The following WDFY3 variants were observed in gnomAD, a reference collection of about 807,000 sequenced individuals.
WDFY3 encodes the protein WD repeat and FYVE domain containing 3, also known as WD repeat and FYVE domain-containing protein 3.
Under a neutral mutation model 409.6 loss-of-function variants are expected in WDFY3, and 66 were observed. The ratio of observed to expected loss-of-function variants is 0.16; its 90% CI spans 0.13 to 0.20. The LOEUF is 0.20. Ranked by LOEUF, WDFY3 falls within the 10% of genes least tolerant of loss-of-function variation. WDFY3 has a pLI of 1.00. For synonymous variants in WDFY3, 1,521 were observed against 1,537.1 expected, an observed-to-expected ratio of 0.99 and a Z score of 0.25; for missense variants, 3,031 against 4,298.1, an observed-to-expected ratio of 0.71 and a Z score of 8.24.
chr4:84,809,017 G>T (rs1400401453), intron 14 of WDFY3: 2 of 152,208 alleles, frequency 1.3e-5, no homozygotes, highest in African/African-American at 4.8e-5. Flanking sequence ...ATCCAATGTA[G>T]TTACATGGTC....
intron 5 of WDFY3, among the ~76,000 whole-genome samples, chr4:84,842,222 A>G (rs2150038721): frequency 6.6e-6 from 1 of 152,282 alleles, no homozygotes; most frequent in South Asian, 2.1e-4. Flanking sequence ...CACACCTGTA[A>G]TCCCAGCACT....
intron 64 of WDFY3, among the ~76,000 whole-genome samples, chr4:84,679,538 G>C (rs1271407004): frequency 6.6e-6 from 1 of 152,090 alleles, no homozygotes; most frequent in Admixed American, 6.5e-5. Context: ...ACTCCCTGCT[G>C]TGCTGCAGCT....
chr4:84,772,703 C>T (rs919724903), intron 30 of WDFY3, 132 bp downstream of exon 30: 22 of 727,042 alleles, frequency 3.0e-5, no homozygotes, highest in Middle Eastern at 3.5e-4. Context: ...GGGCCAAAAA[C>T]GTAATGTAAG....
chr4:84,705,881 T>A (rs1013130486), intron 53 of WDFY3, among the ~76,000 whole-genome samples: 2 of 152,168 alleles, frequency 1.3e-5, no homozygotes, highest in African/African-American at 2.4e-5. Flanking sequence ...ATCGTTAACT[T>A]CATCACTCAC....
intron 41 of WDFY3, among the ~76,000 whole-genome samples, 170 bp downstream of exon 41, chr4:84,737,013 AT>A (rs1384163905): frequency 6.6e-6 from 1 of 151,636 alleles, no homozygotes; most frequent in African/African-American, 2.4e-5. Flanking sequence ...AAAAAAAAAA[AT>A]CAAAGAGAAC....
intron 15 of WDFY3, among the ~76,000 whole-genome samples, chr4:84,805,053 T>C (rs1469832534): frequency 6.6e-6 from 1 of 152,200 alleles, no homozygotes; most frequent in Non-Finnish European, 1.5e-5. Flanking sequence ...TCTGACCTTA[T>C]ATGATGGATC....
In WDFY3 at chr4:84,774,859, A is replaced by C. The variant is rs1010357570; in HGVS notation, c.4715T>G (p.Phe1572Cys). ...TIAAISNVLS[F>C]LLQGFPSSND... ...GCTGCTAGGAAAACCTTGCAGTAAG[A>C]AGCTCAGGACATTACTAATAGCAGC... The change falls in exon 29 of 68, where the codon TTC (phenylalanine) becomes TGC (cysteine). Residue 1572 changes from phenylalanine to cysteine, a missense_variant. Around this residue, in one of 16 missense-constraint regions of WDFY3, gnomAD observed 342 missense variants for 463.7 expected, o/e 0.74. Coordinates refer to ENST00000295888, the MANE Select transcript of WDFY3 (RefSeq NM_014991.6). 4 of 1,613,422 alleles carry C rather than the reference A, an allele frequency of 2.5e-6. No individual in the cohort carries two copies. Among genetic ancestry groups the C allele is most frequent in the African/African-American group, 1.3e-5 (1 of 75,008 alleles).
intron 64 of WDFY3, among the ~76,000 whole-genome samples, chr4:84,679,841 T>TATATATATACACAC (rs1235574031): frequency 2.8e-4 from 39 of 141,306 alleles, no homozygotes; most frequent in African/African-American, 1.0e-3. Context: ...TATATATATA[T>TATATATATACACAC]ACACACACAC....
rs555819588 is a variant in WDFY3, at chr4:84,890,102, CTTTTT to C, written c.-32+6804_-32+6808del. Among the ~76,000 whole-genome samples, 16 of 151,756 alleles carry C rather than the reference CTTTTT, an allele frequency of 1.1e-4. No homozygotes were observed. In the South Asian group the frequency reaches 3.3e-3, roughly 32 times the overall value. On this transcript the variant is annotated intron_variant, in intron 3 of 67. Transcript: ENST00000295888. ...AGCCAATCAAACTTACTTGCCCCAG[CTTTTT>C]TTTATTTTTTTTTAACTAGTGTCTC...
chr4:84,860,272 AAAACATG>A, intron 4 of WDFY3, 133 bp downstream of exon 4: 1 of 975,504 alleles, frequency 1.0e-6, no homozygotes, highest in Non-Finnish European at 1.5e-6. Context: ...TAGCAAATTG[AAAACATG>A]AAACGAGAAC....
intron 62 of WDFY3, among the ~76,000 whole-genome samples, chr4:84,686,819 T>C (rs1336898613): frequency 6.6e-6 from 1 of 152,174 alleles, no homozygotes; most frequent in Non-Finnish European, 1.5e-5. Flanking sequence ...ACTAACGCGA[T>C]AAGCTTGTGA....
intron 3 of WDFY3, among the ~76,000 whole-genome samples, chr4:84,875,446 C>T (rs1762657490): frequency 6.6e-6 from 1 of 152,140 alleles, no homozygotes. Context: ...AGGCCTAGGA[C>T]ATCTGAATAC....
chr4:84,917,717 A>AATAT (rs139140602), intron 2 of WDFY3, among the ~76,000 whole-genome samples: 1 of 151,246 alleles, frequency 6.6e-6, no homozygotes, highest in Non-Finnish European at 1.5e-5. Flanking sequence ...AGCAAATTTG[A>AATAT]ATATATATAT....
At chr4:84,800,824 G>A (rs904079066) in intron 17 of WDFY3, among the ~76,000 whole-genome samples, 3 of 152,104 alleles carry the variant, frequency 2.0e-5, no homozygotes, top group Admixed American at 6.6e-5. Context: ...TAGGGTTCAC[G>A]CTCCTATGAG....
chr4:84,765,793 C>G lies in WDFY3; in HGVS notation c.5188+17G>C. 1 of 1,608,534 alleles carries G rather than the reference C, an allele frequency of 6.2e-7. No individual in the cohort carries two copies. Among genetic ancestry groups the G allele is most frequent in the East Asian group, 2.2e-5 (1 of 44,782 alleles). ...CACCAGCTCATTTTCAAGCAGCTGA[C>G]TAGAAAAGTCCCATACCTAATACAG... On this transcript the variant is annotated intron_variant, in intron 32 of 67. Transcript: ENST00000295888.
chr4:84,794,450 A>T (rs1749030293), intron 21 of WDFY3, 69 bp downstream of exon 21: 3 of 1,423,972 alleles, frequency 2.1e-6, no homozygotes, highest in Non-Finnish European at 2.9e-6. Context: ...CTGGACTTTT[A>T]AAATAAATAC....
intron 1 of WDFY3, among the ~76,000 whole-genome samples, chr4:84,948,179 A>G (rs1579251244): frequency 1.3e-5 from 2 of 152,202 alleles, no homozygotes; most frequent in South Asian, 4.1e-4. Context: ...TCAGAAAATA[A>G]ATTCCTAAAG....
At chr4:84,922,608 A>AC (rs1554018208) in intron 2 of WDFY3, among the ~76,000 whole-genome samples, 9 of 146,128 alleles carry the variant, frequency 6.2e-5, no homozygotes, top group South Asian at 2.2e-4. Context: ...ACAGGAAGAC[A>AC]TTTTTTTTTT....
chr4:84,859,100 G>A (rs530019233), intron 4 of WDFY3, among the ~76,000 whole-genome samples: 8 of 152,064 alleles, frequency 5.3e-5, no homozygotes, highest in African/African-American at 1.4e-4. Flanking sequence ...GAAAAAGAGC[G>A]AGAGAAGGGA....
Sources: allele counts gnomAD v4.1 joint callset (sites outside exome capture counted in the v4.1 genomes callset), GRCh38; gene constraint gnomAD v4.1.1; regional missense constraint gnomAD v4.1.1; transcripts MANE v1.5; gene names NCBI Gene and HGNC (gene_info 2026-07-23, HGNC 2026-07-21).